Variants in NXPE2 observed in about 807,000 individuals in gnomAD.
The protein encoded by NXPE2 is NXPE family member 2.
In NXPE2, 34 loss-of-function variants were observed where a neutral mutation model predicts 34.4. The ratio of observed to expected loss-of-function variants is 0.99; its 90% CI spans 0.75 to 1.31. The LOEUF (loss-of-function observed/expected upper bound fraction) is 1.31. Among genes scored for constraint, NXPE2 ranks in the 40% most tolerant of loss-of-function variants. The pLI is 0.00. For synonymous variants in NXPE2, 235 were observed against 231.3 expected, an observed-to-expected ratio of 1.02 and a Z score of -0.15; for missense variants, 649 against 672.5, an observed-to-expected ratio of 0.97 and a Z score of 0.39.
At chr11:114,647,963 G>A in the NXPE2 span, among the ~76,000 whole-genome samples, 1 of 152,100 alleles carries the variant, frequency 6.6e-6, no homozygotes, top group Non-Finnish European at 1.5e-5. Flanking sequence ...GCCTCCCAAA[G>A]TTCTGGGATT....
the NXPE2 span, among the ~76,000 whole-genome samples, chr11:114,731,635 C>G: frequency 6.6e-6 from 1 of 152,118 alleles, no homozygotes; most frequent in African/African-American, 2.4e-5. Context: ...AGTTTACATA[C>G]TGTATTGTTT....
the NXPE2 span, among the ~76,000 whole-genome samples, chr11:114,714,009 A>G: frequency 6.6e-6 from 1 of 152,356 alleles, no homozygotes; most frequent in Admixed American, 6.5e-5. Flanking sequence ...AATCATTTCC[A>G]TCTACTATAA....
intron 2 of NXPE2, among the ~76,000 whole-genome samples, chr11:114,685,505 C>T (rs1014944074): frequency 2.0e-5 from 3 of 152,136 alleles, no homozygotes; most frequent in Admixed American, 1.3e-4. Flanking sequence ...TCTCTTAATA[C>T]CATCACATTG....
At chr11:114,812,434 C>A in the NXPE2 span, among the ~76,000 whole-genome samples, 1 of 152,162 alleles carries the variant, frequency 6.6e-6, no homozygotes, top group African/African-American at 2.4e-5. Flanking sequence ...TGGAAAGGGG[C>A]AAGCTCAGTT....
At chr11:114,471,439 CAG>C in the NXPE2 span, among the ~76,000 whole-genome samples, 1 of 152,024 alleles carries the variant, frequency 6.6e-6, no homozygotes, top group Non-Finnish European at 1.5e-5. Context: ...GTATAAATAA[CAG>C]AATTAATAAT....
downstream of NXPE2, chr11:114,707,450 A>C: frequency 2.4e-6 from 1 of 421,248 alleles, no homozygotes; most frequent in Non-Finnish European, 4.7e-6. Context: ...ACTGGAGTGC[A>C]GTGGCATGAT....
the NXPE2 span, chr11:114,523,068 A>C: frequency 6.2e-7 from 1 of 1,613,206 alleles, no homozygotes; most frequent in Admixed American, 1.7e-5. Context: ...CCAACTTGGC[A>C]TGTCTCTTCT....
At chr11:114,620,402 T>C in the NXPE2 span, among the ~76,000 whole-genome samples, 1 of 149,542 alleles carries the variant, frequency 6.7e-6, no homozygotes. Context: ...CTGTTACCCA[T>C]TGGATAATAA....
the NXPE2 span, among the ~76,000 whole-genome samples, chr11:114,811,640 C>A: frequency 1.3e-5 from 2 of 152,326 alleles, no homozygotes; most frequent in African/African-American, 4.8e-5. Flanking sequence ...AGCCTCCACA[C>A]TGGGGACTTA....
the NXPE2 span, among the ~76,000 whole-genome samples, chr11:114,547,590 C>T: frequency 1.3e-5 from 2 of 152,046 alleles, no homozygotes; most frequent in African/African-American, 2.4e-5. Flanking sequence ...TAAAAATTAG[C>T]CGGGTGTGCT....
upstream of NXPE2, among the ~76,000 whole-genome samples, chr11:114,677,690 C>T (rs1950873919): frequency 6.6e-6 from 1 of 152,010 alleles, no homozygotes; most frequent in African/African-American, 2.4e-5. Context: ...TGCAAACAAA[C>T]AAATGCTATG....
At chr11:114,628,894 C>T in the NXPE2 span, among the ~76,000 whole-genome samples, 3 of 152,042 alleles carry the variant, frequency 2.0e-5, no homozygotes, top group South Asian at 6.2e-4. Context: ...CTACAAACAC[C>T]TCTATGCAAA....
chr11:114,615,897 G>A, the NXPE2 span, among the ~76,000 whole-genome samples: 11 of 151,350 alleles, frequency 7.3e-5, no homozygotes, highest in East Asian at 1.8e-3. Context: ...GTGTTGCCTC[G>A]TGGGTAACCA....
chr11:114,754,368 T>G, the NXPE2 span, among the ~76,000 whole-genome samples: 1 of 152,138 alleles, frequency 6.6e-6, no homozygotes, highest in Non-Finnish European at 1.5e-5. Flanking sequence ...ATGGAGGCTA[T>G]GGTACTGTGC....
the NXPE2 span, among the ~76,000 whole-genome samples, chr11:114,512,368 A>G: frequency 6.6e-6 from 1 of 151,606 alleles, no homozygotes; most frequent in African/African-American, 2.4e-5. Context: ...AGTTTTGTGA[A>G]CTCTTTCAGT....
rs1951422875 is a variant in NXPE2 at position 114,703,987 on chromosome 11, G to T, written c.867-4G>T. ...AAGCTAATTTATTTTCCCATTTCTTGCAGGTCCAACATAGGAGTTGAAATG... is the reference window on the plus strand; with the variant it reads ...AAGCTAATTTATTTTCCCATTTCTTTCAGGTCCAACATAGGAGTTGAAATG... On this transcript the variant is annotated splice_polypyrimidine_tract_variant and splice_region_variant and intron_variant, in intron 3 of 5. Transcript: ENST00000389586. 1 of 1,549,132 alleles carries T rather than the reference G, an allele frequency of 6.5e-7. No homozygotes were observed. Among genetic ancestry groups the T allele is most frequent in the Non-Finnish European group, 8.7e-7 (1 of 1,144,372 alleles).
At chr11:114,551,965 G>T in the NXPE2 span, 1 of 152,172 alleles carries the variant, frequency 6.6e-6, no homozygotes, top group Non-Finnish European at 1.5e-5. Context: ...TTGCCTCTTT[G>T]TCCCTTACCA....
At chr11:114,751,107 G>A in the NXPE2 span, among the ~76,000 whole-genome samples, 14 of 152,056 alleles carry the variant, frequency 9.2e-5, no homozygotes, top group Non-Finnish European at 1.9e-4. Context: ...CTTCAGCAGG[G>A]GATAGAGACC....
the NXPE2 span, among the ~76,000 whole-genome samples, chr11:114,473,639 A>C: frequency 6.6e-6 from 1 of 152,222 alleles, no homozygotes; most frequent in African/African-American, 2.4e-5. Context: ...GTATACATTT[A>C]CTTACTGAAT....
Sources: allele counts gnomAD v4.1 joint callset (sites outside exome capture counted in the v4.1 genomes callset), GRCh38; gene constraint gnomAD v4.1.1; transcripts MANE v1.5; gene names NCBI Gene and HGNC (gene_info 2026-07-23, HGNC 2026-07-21).